The following LRRC8C variants were observed in gnomAD, a reference collection of about 807,000 sequenced individuals.
LRRC8C encodes volume-regulated anion channel subunit LRRC8C.
A neutral mutation model predicts 55.3 loss-of-function variants in LRRC8C; 20 were observed. That is an observed-to-expected ratio of 0.36 (90% CI 0.25 to 0.53). LRRC8C has a LOEUF of 0.53. Ranked by LOEUF, LRRC8C falls within the 20% of genes least tolerant of loss-of-function variation. LRRC8C has a pLI of 0.92. For synonymous variants in LRRC8C, 376 were observed against 360.7 expected (o/e 1.04, Z -0.48); for missense variants, 659 against 951.4 (o/e 0.69, Z 4.04).
At chr1:89,701,296 G>A (rs569248191) in intron 2 of LRRC8C, among the ~76,000 whole-genome samples, 1 of 152,218 alleles carries the variant, frequency 6.6e-6, no homozygotes, top group Admixed American at 6.5e-5. Context: ...CTAACACGGT[G>A]AAACCCTGTC....
At chr1:89,667,259 A>G (rs1037716397) in intron 1 of LRRC8C, among the ~76,000 whole-genome samples, 9 of 151,930 alleles carry the variant, frequency 5.9e-5, no homozygotes, top group Non-Finnish European at 4.4e-5. Flanking sequence ...GATCTTTCCT[A>G]TCTCTAGTCC....
Position 89,659,070 on chromosome 1 carries a change from T to G in LRRC8C, c.-5+25748T>G, listed in dbSNP as rs924783557. On this transcript the variant is annotated intron_variant, in intron 1 of 2. Coordinates refer to ENST00000370454, the MANE Select transcript of LRRC8C (RefSeq NM_032270.5). ...CAGGTTTTTTTTTTTTTTGTGTGTG[T>G]GTGTGTGTGTGTGTGTGTGTGTGTG... Among the ~76,000 whole-genome samples, 7 of 67,664 alleles carry G rather than the reference T, an allele frequency of 1.0e-4. 1 individual carries two copies. Among genetic ancestry groups the G allele is most frequent in the African/African-American group, 3.2e-4 (7 of 22,200 alleles). 44.4% of individuals were successfully genotyped at this position (67,664 alleles called of 152,430 possible).
At chr1:89,642,282 T>TA (rs1466622804) in intron 1 of LRRC8C, among the ~76,000 whole-genome samples, 2 of 152,262 alleles carry the variant, frequency 1.3e-5, no homozygotes, top group East Asian at 3.8e-4. Context: ...ATAGAGTAGA[T>TA]ACCAGACTAG....
At chr1:89,685,705 A>G (rs1280689036) in intron 1 of LRRC8C, among the ~76,000 whole-genome samples, 4 of 152,110 alleles carry the variant, frequency 2.6e-5, no homozygotes, top group Non-Finnish European at 2.9e-5. Context: ...GGTGCACCCT[A>G]TTCATTTATC....
At chr1:89,661,933 C>G (rs1657133523) in intron 1 of LRRC8C, among the ~76,000 whole-genome samples, 1 of 152,032 alleles carries the variant, frequency 6.6e-6, no homozygotes, top group South Asian at 2.1e-4. Flanking sequence ...TAAATTTCAG[C>G]AAGGCCTAAA....
At chr1:89,653,123 A>G (rs765553395) in intron 1 of LRRC8C, among the ~76,000 whole-genome samples, 1 of 152,198 alleles carries the variant, frequency 6.6e-6, no homozygotes, top group South Asian at 2.1e-4. Flanking sequence ...TGCGTTTTCA[A>G]AGGATCACTC....
intron 1 of LRRC8C, among the ~76,000 whole-genome samples, chr1:89,673,693 T>G (rs1657480269): frequency 1.3e-5 from 2 of 152,212 alleles, no homozygotes; most frequent in African/African-American, 4.8e-5. Context: ...GCACCTACTA[T>G]ATGCCAAATA....
At chr1:89,615,990 G>A in the LRRC8C span, among the ~76,000 whole-genome samples, 22 of 152,216 alleles carry the variant, frequency 1.4e-4, no homozygotes, top group Non-Finnish European at 1.5e-5. Flanking sequence ...CACTCTGCTT[G>A]CAACCCAGGT....
At chr1:89,621,249 A>G in the LRRC8C span, among the ~76,000 whole-genome samples, 1 of 151,068 alleles carries the variant, frequency 6.6e-6, no homozygotes, top group Non-Finnish European at 1.5e-5. Context: ...TCATGAGGTC[A>G]GGAGATCGAG....
rs1007510727 is a variant in LRRC8C, at chr1:89,633,158, A to C, written c.-169A>C. The stretch of plus-strand genomic sequence containing the variant: ...CGGCTGGAAGCCCGCGAAGAGAAGT[A>C]GGAGGAAGGCGCCGCCGTGGCCGCG... On this transcript the variant is annotated 5_prime_UTR_variant, in exon 1 of 3. Transcript: ENST00000370454. The C allele has an allele frequency of 6.6e-6, 1 of 152,082 alleles. No homozygotes were observed. Among genetic ancestry groups the C allele is most frequent in the Non-Finnish European group, 1.5e-5 (1 of 68,032 alleles). 9.4% of individuals were successfully genotyped at this position (152,082 alleles called of 1,614,324 possible). A position where few individuals can be genotyped will look rare whatever the true frequency, so the allele number is the denominator to read the frequency against.
chr1:89,698,995 A>G (rs1037761924), intron 2 of LRRC8C, among the ~76,000 whole-genome samples: 1 of 152,100 alleles, frequency 6.6e-6, no homozygotes, highest in East Asian at 1.9e-4. Flanking sequence ...GAAATTAAAA[A>G]AGAGAGAGAG....
chr1:89,650,479 C>G (rs141478468), intron 1 of LRRC8C, among the ~76,000 whole-genome samples: 7 of 145,988 alleles, frequency 4.8e-5, no homozygotes, highest in African/African-American at 1.8e-4. Context: ...GGAATTTAAT[C>G]AGTAGAAATT....
chr1:89,671,291 G>GGCTGACACACATTTGGATA (rs1657407013), intron 1 of LRRC8C, among the ~76,000 whole-genome samples: 1 of 152,040 alleles, frequency 6.6e-6, no homozygotes, highest in African/African-American at 2.4e-5. Context: ...AGGGAGGGAA[G>GGCTGACACACATTTGGATA]AAGGTTAGAG....
chr1:89,669,085 A>G (rs1419589097), intron 1 of LRRC8C, among the ~76,000 whole-genome samples: 1 of 152,224 alleles, frequency 6.6e-6, no homozygotes, highest in Non-Finnish European at 1.5e-5. Context: ...TGTAGTATAT[A>G]CACACAATGG....
At chr1:89,640,002 C>A (rs1656409886) in intron 1 of LRRC8C, among the ~76,000 whole-genome samples, 1 of 152,148 alleles carries the variant, frequency 6.6e-6, no homozygotes, top group Non-Finnish European at 1.5e-5. Flanking sequence ...CAAAGTAAAT[C>A]CTAGGTAACA....
chr1:89,618,415 G>A, the LRRC8C span, among the ~76,000 whole-genome samples: 2 of 152,170 alleles, frequency 1.3e-5, no homozygotes, highest in Non-Finnish European at 2.9e-5. Context: ...GTTACTTAAA[G>A]CAAGGGGAAA....
chr1:89,617,186 C>T, the LRRC8C span, among the ~76,000 whole-genome samples: 1 of 152,164 alleles, frequency 6.6e-6, no homozygotes, highest in Non-Finnish European at 1.5e-5. Context: ...ACATAACATA[C>T]CCACTTACTT....
the LRRC8C span, among the ~76,000 whole-genome samples, chr1:89,619,069 AT>A: frequency 1.3e-5 from 2 of 152,250 alleles, no homozygotes; most frequent in African/African-American, 4.8e-5. Context: ...TTTATAGATC[AT>A]GTAAAAAAGA....
At position 89,678,742 on chromosome 1, in the gene LRRC8C, G is replaced by GT. The variant is rs34458997; in HGVS notation, c.-4-7722dup. Among the ~76,000 whole-genome samples the GT allele has an allele frequency of 3.5e-3, 528 of 150,772 alleles. 4 individuals carry two copies. Among genetic ancestry groups the GT allele is most frequent in the African/African-American group, 0.011 (462 of 41,070 alleles). The stretch of plus-strand genomic sequence containing the variant: ...AAAGGAAGAAACACAATAAATGAGG[G>GT]TTTTTTGACAGACTGCACGTGATTT... On this transcript the variant is annotated intron_variant, in intron 1 of 2. Coordinates refer to ENST00000370454, the MANE Select transcript of LRRC8C (RefSeq NM_032270.5).
Sources: allele counts gnomAD v4.1 joint callset (sites outside exome capture counted in the v4.1 genomes callset), GRCh38; gene constraint gnomAD v4.1.1; transcripts MANE v1.5; gene names NCBI Gene and HGNC (gene_info 2026-07-23, HGNC 2026-07-21).